The following OSBPL1A variants were observed in gnomAD, a reference collection of about 807,000 sequenced individuals.
OSBPL1A encodes the protein oxysterol-binding protein-related protein 1.
A neutral mutation model predicts 137.1 loss-of-function variants in OSBPL1A; 80 were observed. The observed-to-expected ratio is 0.58, with a 90% CI of 0.49 to 0.70. The LOEUF is 0.70. Ranked by LOEUF, OSBPL1A falls within the 30% of genes least tolerant of loss-of-function variation. The pLI is 0.00. For synonymous variants in OSBPL1A, 365 were observed against 389.7 expected, an observed-to-expected ratio of 0.94 and a Z score of 0.75; for missense variants, 970 against 1,129.4, an observed-to-expected ratio of 0.86 and a Z score of 2.02.
intron 2 of OSBPL1A, among the ~76,000 whole-genome samples, chr18:24,376,424 G>T (rs941068553): frequency 6.6e-6 from 1 of 152,236 alleles, no homozygotes; most frequent in Admixed American, 6.5e-5. Context: ...CCTTGAGCTA[G>T]ATACAGAGTG....
intron 18 of OSBPL1A, among the ~76,000 whole-genome samples, chr18:24,195,041 G>A (rs2086986504): frequency 1.3e-5 from 2 of 152,200 alleles, no homozygotes; most frequent in African/African-American, 4.8e-5. Flanking sequence ...GCTAAGGCCT[G>A]TAATCCCAAC....
At chr18:24,375,258 T>A (rs1906008628) in intron 2 of OSBPL1A, among the ~76,000 whole-genome samples, 1 of 128,836 alleles carries the variant, frequency 7.8e-6, no homozygotes, top group South Asian at 2.3e-4. Context: ...GAGGCTGCCA[T>A]GAACTGTGAG....
intron 15 of OSBPL1A, among the ~76,000 whole-genome samples, chr18:24,266,566 G>C (rs932214926): frequency 1.3e-5 from 2 of 152,256 alleles, no homozygotes; most frequent in African/African-American, 4.8e-5. Flanking sequence ...GTGAGCAGTA[G>C]GTGAGCAAAA....
intron 15 of OSBPL1A, among the ~76,000 whole-genome samples, chr18:24,277,051 A>C (rs760808200): frequency 6.6e-5 from 10 of 152,242 alleles, no homozygotes; most frequent in African/African-American, 1.2e-4. Flanking sequence ...TGCTAGAGGC[A>C]GGTACACAGT....
At chr18:24,286,766 A>T (rs2146081376) in intron 14 of OSBPL1A, among the ~76,000 whole-genome samples, 1 of 152,324 alleles carries the variant, frequency 6.6e-6, no homozygotes, top group South Asian at 2.1e-4. Context: ...ATAGTTTCAG[A>T]ATTATGATCA....
rs112988143 is a variant in OSBPL1A at position 24,257,331 on chromosome 18, C to T, written c.1282-17949G>A. On this transcript the variant is annotated intron_variant, in intron 15 of 27. Coordinates refer to ENST00000319481, the MANE Select transcript of OSBPL1A (RefSeq NM_080597.4). ...GAACCCAGAAACACATCCTCACACT[C>T]ACAGTGAACTAATTTTCAGTAAAGG... is the stretch of plus-strand genomic sequence containing the variant. Among the ~76,000 whole-genome samples, 716 of 152,174 alleles carry T rather than the reference C, an allele frequency of 4.7e-3. 5 individuals carry two copies. The highest frequency in any genetic ancestry group is 0.016 in the African/African-American group (685 of 41,550).
At chr18:24,356,193 G>C (rs548924179) in intron 4 of OSBPL1A, among the ~76,000 whole-genome samples, 1 of 145,518 alleles carries the variant, frequency 6.9e-6, no homozygotes, top group Non-Finnish European at 1.5e-5. Context: ...AAAAAAAAAA[G>C]TTATGATACC....
At chr18:24,171,652 T>A (rs1163685098) in intron 22 of OSBPL1A, among the ~76,000 whole-genome samples, 154 bp from the exon 23 acceptor site, 1 of 152,286 alleles carries the variant, frequency 6.6e-6, no homozygotes, top group East Asian at 1.9e-4. Context: ...AATCCTCAAT[T>A]GGTAATCTTC....
intron 15 of OSBPL1A, among the ~76,000 whole-genome samples, chr18:24,240,696 G>C (rs1025141078): frequency 6.6e-6 from 1 of 152,174 alleles, no homozygotes; most frequent in Non-Finnish European, 1.5e-5. Context: ...CAACATAGTG[G>C]TCTTCAAACT....
At chr18:24,196,337 G>A (rs998883190) in intron 17 of OSBPL1A, 137 bp from the exon 18 acceptor site, 11 of 640,488 alleles carry the variant, frequency 1.7e-5, no homozygotes, top group Non-Finnish European at 2.7e-5. Flanking sequence ...ACAGGGCTAA[G>A]CAGGGCTAAT....
At chr18:24,193,500 A>AC (rs2086946811) in intron 18 of OSBPL1A, among the ~76,000 whole-genome samples, 1 of 152,026 alleles carries the variant, frequency 6.6e-6, no homozygotes, top group African/African-American at 2.4e-5. Context: ...AAAAAAAAAA[A>AC]AAAAGTGGTA....
intron 15 of OSBPL1A, among the ~76,000 whole-genome samples, chr18:24,239,595 A>C (rs555457459): frequency 6.6e-6 from 1 of 152,344 alleles, no homozygotes; most frequent in Non-Finnish European, 1.5e-5. Flanking sequence ...TTAGCTAATG[A>C]AAATAGATTC....
chr18:24,290,404 G>A (rs535909278), intron 14 of OSBPL1A, among the ~76,000 whole-genome samples: 406 of 152,312 alleles, frequency 2.7e-3, no homozygotes, highest in Non-Finnish European at 4.0e-3. Context: ...AGCCTGGCCA[G>A]GCATAGTGGC....
chr18:24,386,936 G>A (rs1364130179), intron 1 of OSBPL1A, among the ~76,000 whole-genome samples: 2 of 151,888 alleles, frequency 1.3e-5, no homozygotes, highest in Non-Finnish European at 2.9e-5. Context: ...CGGCCTGTGT[G>A]ACAGAGTGAG....
chr18:24,301,309 AT>A lies in OSBPL1A; in HGVS notation c.1174+2327del, dbSNP rs2146099677. 4 of 152,348 alleles carry A rather than the reference AT, an allele frequency of 2.6e-5. No individual in the cohort carries two copies. In the South Asian group the frequency reaches 8.3e-4, roughly 32 times the overall value. The allele number at this position is 152,348 out of a possible 1,614,324, so 9.4% of individuals were successfully genotyped here. A position where few individuals can be genotyped will look rare whatever the true frequency, so the allele number is the denominator to read the frequency against. On this transcript the variant is annotated intron_variant, in intron 14 of 27. Transcript: ENST00000319481. ...TATACATACCATCATTACGAATGAC[AT>A]GTCATACAGGCAATCTGAAACAAGA...
rs576998948 is a variant in OSBPL1A, at chr18:24,311,911, T to TA, written c.1092+72dup. 143 of 1,551,978 alleles carry TA rather than the reference T, an allele frequency of 9.2e-5. No individual in the cohort carries two copies. The African/African-American group carries it at 1.7e-3, about 19-fold the overall frequency. On this transcript the variant is annotated intron_variant, in intron 13 of 27. Transcript: ENST00000319481. ...ATCATAATTTCAAAACCTTACATCT[T>TA]AAAGAAAAAAGTTCTTGATTAAACC...
chr18:24,202,201 C>G (rs2087241905), intron 17 of OSBPL1A, among the ~76,000 whole-genome samples: 1 of 152,152 alleles, frequency 6.6e-6, no homozygotes, highest in Non-Finnish European at 1.5e-5. Context: ...TGCTACCACC[C>G]AGCTGCGTAA....
intron 1 of OSBPL1A, among the ~76,000 whole-genome samples, chr18:24,397,372 T>C (rs1168091694): frequency 6.6e-6 from 1 of 152,186 alleles, no homozygotes; most frequent in Non-Finnish European, 1.5e-5. Context: ...GGCACCAGCA[T>C]GGTCGTGGCA....
intron 1 of OSBPL1A, among the ~76,000 whole-genome samples, chr18:24,379,893 C>G (rs1035270766): frequency 6.6e-6 from 1 of 152,034 alleles, no homozygotes; most frequent in African/African-American, 2.4e-5. Context: ...TTAAGGAAGT[C>G]TTACAGCATT....
Sources: allele counts gnomAD v4.1 joint callset (sites outside exome capture counted in the v4.1 genomes callset), GRCh38; gene constraint gnomAD v4.1.1; transcripts MANE v1.5; gene names NCBI Gene and HGNC (gene_info 2026-07-23, HGNC 2026-07-21).